FMN2: variants seen among roughly 807,000 people sequenced by gnomAD.
FMN2 encodes formin-2.
FMN2 carries 51 observed loss-of-function variants against 142.3 expected under a neutral mutation model. The ratio of observed to expected loss-of-function variants is 0.36; its 90% confidence interval spans 0.29 to 0.45. FMN2 has a LOEUF of 0.45. Ranked by LOEUF, FMN2 falls within the 20% of genes least tolerant of loss-of-function variation. The pLI is 1.00. For synonymous variants in FMN2, 882 were observed against 869.8 expected (o/e 1.01, Z -0.25); for missense variants, 1,936 against 2,122.8 (o/e 0.91, Z 1.73).
intron 7 of FMN2, among the ~76,000 whole-genome samples, chr1:240,287,282 T>C (rs1316713766): frequency 2.0e-5 from 3 of 152,210 alleles, no homozygotes; most frequent in Non-Finnish European, 4.4e-5. Context: ...GCTTCTGATC[T>C]CTGCTACATA....
At position 240,381,018 on chromosome 1, in the gene FMN2, A is replaced by T. The variant is rs570746424; in HGVS notation, c.4859-11493A>T. Among the ~76,000 whole-genome samples the T allele has an allele frequency of 1.9e-3, 288 of 150,780 alleles. 1 individual carries two copies. The highest frequency in any genetic ancestry group is 6.5e-3 in the African/African-American group (263 of 40,172). ...ATGAAATTGAGTCAGTAATTTTTTTAAAAAAATCTCTAAACAAAAATAAGC... is the reference window on the plus strand; with the variant it reads ...ATGAAATTGAGTCAGTAATTTTTTTTAAAAAATCTCTAAACAAAAATAAGC... On this transcript the variant is annotated intron_variant, in intron 14 of 17. Transcript: ENST00000319653.
chr1:240,110,917 G>A (rs1203883086), intron 1 of FMN2, among the ~76,000 whole-genome samples: 1 of 151,336 alleles, frequency 6.6e-6, no homozygotes, highest in Non-Finnish European at 1.5e-5. Context: ...CCAAAACTTG[G>A]TGGATGAAGA....
intron 1 of FMN2, among the ~76,000 whole-genome samples, chr1:240,122,823 T>A (rs1411517909): frequency 6.6e-6 from 1 of 151,824 alleles, no homozygotes; most frequent in African/African-American, 2.4e-5. Flanking sequence ...GAGGCTTAGG[T>A]GGGGGGATTG....
chr1:240,334,070 C>A (rs911202655), intron 12 of FMN2, 39 bp from the exon 13 acceptor site: 2 of 1,570,426 alleles, frequency 1.3e-6, no homozygotes. Context: ...ATATTGATAA[C>A]CAATTTCTTT....
At chr1:240,397,496 C>T (rs1008800306) in intron 15 of FMN2, among the ~76,000 whole-genome samples, 1 of 151,968 alleles carries the variant, frequency 6.6e-6, no homozygotes, top group South Asian at 2.1e-4. Context: ...CACACCTAGG[C>T]CAGGCACGGT....
At chr1:240,392,969 T>G (rs1314583255) in intron 15 of FMN2, among the ~76,000 whole-genome samples, 3 of 138,370 alleles carry the variant, frequency 2.2e-5, no homozygotes, top group Non-Finnish European at 4.6e-5. Flanking sequence ...GAATGGAGAC[T>G]TGCAATTATG....
At chr1:240,166,579 G>T (rs185620747) in intron 2 of FMN2, among the ~76,000 whole-genome samples, 92 of 152,188 alleles carry the variant, frequency 6.0e-4, no homozygotes, top group African/African-American at 2.2e-3. Context: ...CTTTCACTTG[G>T]CAACATACCA....
intron 13 of FMN2, among the ~76,000 whole-genome samples, chr1:240,349,963 T>A (rs1672034880): frequency 1.4e-5 from 2 of 148,046 alleles, no homozygotes; most frequent in Admixed American, 6.7e-5. Context: ...TATTTTTTTT[T>A]TTTATTTACA....
chr1:240,257,936 C>A lies in FMN2; in HGVS notation c.4066-9C>A, dbSNP rs1224405336. ...AACATTTTCCCCTTTTACTTTCTTT[C>A]TCGAGCAGGTTGTCAAGTTATTAAG... On this transcript the variant is annotated splice_polypyrimidine_tract_variant and intron_variant, in intron 6 of 17. Coordinates refer to ENST00000319653, the MANE Select transcript of FMN2 (RefSeq NM_020066.5). The A allele has an allele frequency of 2.5e-6, 4 of 1,610,640 alleles. No homozygotes were observed. In the African/African-American group the frequency reaches 4.0e-5, roughly 16 times the overall value.
chr1:240,429,883 T>G (rs866345468), intron 15 of FMN2, among the ~76,000 whole-genome samples: 10 of 143,482 alleles, frequency 7.0e-5, no homozygotes, highest in African/African-American at 2.1e-4. Flanking sequence ...TGTTTTTTTT[T>G]GTTTTTTTTT....
In FMN2 at chr1:240,426,985, C is replaced by T. The variant is rs1235969216; in HGVS notation, c.4911-11076C>T. On this transcript the variant is annotated intron_variant, in intron 15 of 17. Coordinates refer to ENST00000319653, the MANE Select transcript of FMN2 (RefSeq NM_020066.5). ...AACTCCTGACCTCTGGTGATCCACC[C>T]GCCTTGGCCTCCCGAAGTGCTTGGG... Among the ~76,000 whole-genome samples, 9 of 147,830 alleles carry T rather than the reference C, an allele frequency of 6.1e-5. 1 individual carries two copies. In the South Asian group the frequency reaches 1.5e-3, roughly 24 times the overall value.
intron 8 of FMN2, among the ~76,000 whole-genome samples, chr1:240,318,880 TA>T (rs1670876947): frequency 6.6e-6 from 1 of 152,090 alleles, no homozygotes; most frequent in Non-Finnish European, 1.5e-5. Flanking sequence ...ATGTTTAGGA[TA>T]ACCCCCAGCT....
chr1:240,238,352 A>G (rs77092898), intron 6 of FMN2, among the ~76,000 whole-genome samples: 3,267 of 152,288 alleles, frequency 0.021, 95 homozygotes, highest in African/African-American at 0.075. Flanking sequence ...CCTTATAACC[A>G]CTGCTTCTGA....
chr1:240,308,348 T>A (rs1023050878), intron 8 of FMN2, among the ~76,000 whole-genome samples: 5 of 152,216 alleles, frequency 3.3e-5, no homozygotes, highest in Non-Finnish European at 5.9e-5. Context: ...TTGAACTTTT[T>A]CTCTGAGTAA....
intron 8 of FMN2, among the ~76,000 whole-genome samples, chr1:240,318,721 G>C (rs1372619344): frequency 6.6e-6 from 1 of 152,202 alleles, no homozygotes; most frequent in Non-Finnish European, 1.5e-5. Context: ...TAGAACATGT[G>C]TTAGAGAGAG....
At chr1:240,229,642 A>G (rs1465071359) in intron 6 of FMN2, among the ~76,000 whole-genome samples, 1 of 152,112 alleles carries the variant, frequency 6.6e-6, no homozygotes, top group African/African-American at 2.4e-5. Context: ...CTATCCTTCC[A>G]TAGCTGACTT....
chr1:240,240,590 C>A (rs972243699), intron 6 of FMN2, among the ~76,000 whole-genome samples: 1 of 152,100 alleles, frequency 6.6e-6, no homozygotes, highest in African/African-American at 2.4e-5. Context: ...ACTTGATATC[C>A]AAATATTTTT....
chr1:240,455,143 C>G lies in FMN2; in HGVS notation c.5060+16933C>G, dbSNP rs139830803. Among the ~76,000 whole-genome samples, 1,153 of 152,070 alleles carry G rather than the reference C, an allele frequency of 7.6e-3. 15 individuals carry two copies. Among genetic ancestry groups the G allele is most frequent in the African/African-American group, 0.026 (1,098 of 41,476 alleles). On this transcript the variant is annotated intron_variant, in intron 16 of 17. Coordinates refer to ENST00000319653, the MANE Select transcript of FMN2 (RefSeq NM_020066.5). ...GAGAACCAGGGACTCTGCACAACCT[C>G]TTAGCTTAAGAGAGGTGAGAACATG...
At chr1:240,158,833 G>A (rs1664141626) in intron 2 of FMN2, among the ~76,000 whole-genome samples, 1 of 152,062 alleles carries the variant, frequency 6.6e-6, no homozygotes, top group African/African-American at 2.4e-5. Flanking sequence ...TTTCAATTCA[G>A]ATGTAACATC....
Sources: gnomAD v4.1 joint callset for allele counts (sites outside exome capture counted in the v4.1 genomes callset) on GRCh38, gnomAD v4.1.1 for gene constraint, MANE v1.5 for transcripts, NCBI Gene and HGNC (gene_info 2026-07-23, HGNC 2026-07-21) for gene names.